CADM2: variants seen among roughly 807,000 people sequenced by gnomAD.
The protein encoded by CADM2 is cell adhesion molecule 2.
Under a neutral mutation model 49.8 loss-of-function variants are expected in CADM2, and 12 were observed. The ratio of observed to expected loss-of-function variants is 0.24; its 90% confidence interval spans 0.15 to 0.39. CADM2 has a LOEUF of 0.39. Among genes scored for constraint, CADM2 ranks in the 10% least tolerant of loss-of-function variants. The pLI is 1.00. For missense variants in CADM2, 378 were observed against 492.3 expected (o/e 0.77, Z 2.20); for synonymous variants, 214 against 175.4 (o/e 1.22, Z -1.74).
intron 1 of CADM2, among the ~76,000 whole-genome samples, chr3:85,129,049 C>A (rs1224997831): frequency 6.6e-6 from 1 of 151,964 alleles, no homozygotes; most frequent in Admixed American, 6.6e-5. Flanking sequence ...TTCATTTTTT[C>A]ATTGACATAC....
At chr3:85,170,845 G>T (rs1318179628) in intron 1 of CADM2, among the ~76,000 whole-genome samples, 1 of 152,096 alleles carries the variant, frequency 6.6e-6, no homozygotes, top group Non-Finnish European at 1.5e-5. Flanking sequence ...ATATAGAACA[G>T]AGTTGAACTT....
At chr3:85,076,927 G>T (rs1037825366) in intron 1 of CADM2, among the ~76,000 whole-genome samples, 1 of 152,102 alleles carries the variant, frequency 6.6e-6, no homozygotes, top group Non-Finnish European at 1.5e-5. Context: ...AGACAAGATT[G>T]TGCCACTGCA....
At chr3:85,488,194 G>A (rs2039509885) in intron 1 of CADM2, among the ~76,000 whole-genome samples, 1 of 152,040 alleles carries the variant, frequency 6.6e-6, no homozygotes, top group Non-Finnish European at 1.5e-5. Context: ...TAAGCCTGTG[G>A]GCTACTTGCT....
chr3:85,885,192 T>G (rs1205042364), intron 4 of CADM2, among the ~76,000 whole-genome samples: 1 of 152,100 alleles, frequency 6.6e-6, no homozygotes, highest in Non-Finnish European at 1.5e-5. Flanking sequence ...AATTGTAAAT[T>G]ATATTAAATG....
intron 1 of CADM2, among the ~76,000 whole-genome samples, chr3:85,392,278 T>C: frequency 6.6e-6 from 1 of 152,116 alleles, no homozygotes; most frequent in East Asian, 1.9e-4. Flanking sequence ...TTACACCTGA[T>C]ATAACTTAAA....
intron 5 of CADM2, among the ~76,000 whole-genome samples, chr3:85,887,960 A>G (rs1024920566): frequency 1.3e-5 from 2 of 152,208 alleles, no homozygotes; most frequent in African/African-American, 4.8e-5. Context: ...AGCCTGTAAG[A>G]ATTCTCCAGG....
At chr3:85,608,524 T>A (rs1220764128) in intron 1 of CADM2, among the ~76,000 whole-genome samples, 1 of 152,154 alleles carries the variant, frequency 6.6e-6, no homozygotes. Context: ...TCAATTACAA[T>A]TGCTAAATTT....
intron 1 of CADM2, among the ~76,000 whole-genome samples, chr3:85,529,030 G>A (rs62252496): frequency 0.51 from 78,106 of 151,940 alleles, 23,106 homozygotes; most frequent in East Asian, 0.85. Context: ...TAACAACCCT[G>A]TCAGAAAAGG....
chr3:85,109,996 G>T (rs775406966), intron 1 of CADM2, among the ~76,000 whole-genome samples: 3 of 151,850 alleles, frequency 2.0e-5, no homozygotes, highest in Admixed American at 6.6e-5. Flanking sequence ...CCTAAACATT[G>T]CAGTAAAAGT....
chr3:85,442,496 G>T (rs955319500), intron 1 of CADM2, among the ~76,000 whole-genome samples: 2 of 149,920 alleles, frequency 1.3e-5, no homozygotes, highest in Non-Finnish European at 3.0e-5. Flanking sequence ...TTGCTTCAAA[G>T]CAAAGTGAGA....
chr3:85,412,747 A>T (rs2035715076), intron 1 of CADM2, among the ~76,000 whole-genome samples: 1 of 152,168 alleles, frequency 6.6e-6, no homozygotes, highest in Non-Finnish European at 1.5e-5. Flanking sequence ...AAAGTAAGAA[A>T]CTTGCTTAAG....
chr3:86,012,752 G>A, intron 8 of CADM2: 2 of 702,882 alleles, frequency 2.8e-6, no homozygotes, highest in Non-Finnish European at 4.9e-6. Flanking sequence ...CACTTTGGGA[G>A]GCCGAGGAGG....
chr3:85,572,884 T>A (rs2062520232), intron 1 of CADM2, among the ~76,000 whole-genome samples: 1 of 152,158 alleles, frequency 6.6e-6, no homozygotes, highest in Non-Finnish European at 1.5e-5. Flanking sequence ...CTTTATCTCC[T>A]CTGGAAACAT....
rs920029278 is a variant in CADM2 at position 85,601,876 on chromosome 3, T to A, written c.62-124646T>A. Among the ~76,000 whole-genome samples the A allele has an allele frequency of 3.3e-5, 5 of 151,754 alleles. No homozygotes were observed. In the South Asian group the frequency reaches 8.3e-4, roughly 25 times the overall value. On this transcript the variant is annotated intron_variant, in intron 1 of 9. Coordinates refer to ENST00000383699, the MANE Select transcript of CADM2 (RefSeq NM_001167675.2). ...GTTTCTTTTAGTCATTATCCTCACA[T>A]CTTCTATTTATGTATTTCAATTTAT...
intron 1 of CADM2, among the ~76,000 whole-genome samples, chr3:85,048,142 A>T (rs1576111519): frequency 1.3e-5 from 2 of 152,222 alleles, no homozygotes; most frequent in East Asian, 1.9e-4. Flanking sequence ...TGCCAAGACG[A>T]TGTATGGAAA....
intron 3 of CADM2, among the ~76,000 whole-genome samples, chr3:85,824,136 G>A (rs1413020629): frequency 6.6e-6 from 1 of 152,116 alleles, no homozygotes; most frequent in Non-Finnish European, 1.5e-5. Context: ...TTTTACTTGA[G>A]GATGCTTAAA....
At chr3:85,697,099 CAT>C (rs750857883) in intron 1 of CADM2, among the ~76,000 whole-genome samples, 4 of 129,034 alleles carry the variant, frequency 3.1e-5, no homozygotes, top group East Asian at 2.0e-4. Flanking sequence ...ATATATATGC[CAT>C]ATATATATAT....
chr3:85,415,452 T>A (rs1307863908), intron 1 of CADM2, among the ~76,000 whole-genome samples: 1 of 149,458 alleles, frequency 6.7e-6, no homozygotes, highest in Non-Finnish European at 1.5e-5. Context: ...AATAGTGAGT[T>A]CAATGAGAAA....
intron 3 of CADM2, among the ~76,000 whole-genome samples, chr3:85,829,805 A>G (rs2074103734): frequency 1.3e-5 from 2 of 151,974 alleles, no homozygotes; most frequent in South Asian, 2.1e-4. Context: ...ACTTAGCGTA[A>G]TGTTCTCCAG....
Sources: allele counts gnomAD v4.1 joint callset (sites outside exome capture counted in the v4.1 genomes callset), GRCh38; gene constraint gnomAD v4.1.1; transcripts MANE v1.5; gene names NCBI Gene and HGNC (gene_info 2026-07-23, HGNC 2026-07-21).